KCNA4: variants seen among roughly 807,000 people sequenced by gnomAD.
KCNA4 encodes the protein cardiac potassium channel.
A neutral mutation model predicts 37.2 loss-of-function variants in KCNA4; 5 were observed. The observed-to-expected ratio is 0.13, with a 90% CI of 0.07 to 0.28. KCNA4 has a LOEUF of 0.28. KCNA4 is among the 10% of genes least tolerant of loss of function. KCNA4 has a pLI of 1.00. For missense variants in KCNA4, 634 were observed against 817.4 expected (o/e 0.78, Z 2.74); for synonymous variants, 350 against 311.8 (o/e 1.12, Z -1.29).
rs768170493 is a variant in KCNA4 at position 30,011,572 on chromosome 11, G to A, written c.1107C>T (p.Asp369=). Residue 369 remains aspartate (D), a synonymous_variant, in exon 2 of 2, where the codon GAC becomes GAT. Transcript: ENST00000328224. The surrounding 1 kb of genome is among the most constrained non-coding windows in gnomAD (Gnocchi z 5.6). The part of the protein sequence containing the change: ...LENSGHTIFN[D]PFFIVETVCI... ...AGACTGTTTCCACGATGAAGAAGGG[G>A]TCATTGAATATTGTGTGCCCTGAGT... The A allele has an allele frequency of 6.2e-7, 1 of 1,614,102 alleles. No individual in the cohort carries two copies. The highest frequency in any genetic ancestry group is 8.5e-7 in the Non-Finnish European group (1 of 1,180,016).
chr11:30,010,990 A>G lies in KCNA4; in HGVS notation c.1689T>C (p.Phe563=). The change falls in exon 2 of 2, where the codon TTT becomes TTC. Residue 563 remains phenylalanine (F), a synonymous_variant. Transcript: ENST00000328224. ...ALPVPVIVSN[F]NYFYHRETEN... ...CAGTCTCTCTGTGGTAGAAATAGTTAAAGTTAGAGACAATCACTGGCACTG... is the reference window on the plus strand; with the variant it reads ...CAGTCTCTCTGTGGTAGAAATAGTTGAAGTTAGAGACAATCACTGGCACTG... 2 of 1,614,166 alleles carry G rather than the reference A, an allele frequency of 1.2e-6. No individual in the cohort carries two copies. Among genetic ancestry groups the G allele is most frequent in the Non-Finnish European group, 1.7e-6 (2 of 1,180,028 alleles).
At chr11:30,016,100 G>T (rs1190492536) in intron 1 of KCNA4, among the ~76,000 whole-genome samples, 1 of 152,022 alleles carries the variant, frequency 6.6e-6, no homozygotes, top group African/African-American at 2.4e-5. Context: ...CATTTATGCA[G>T]CCCCTATGTA....
chr11:30,012,064 AG>A lies in KCNA4; in HGVS notation c.614del (p.Pro205LeufsTer37). The A allele has an allele frequency of 6.2e-7, 1 of 1,614,150 alleles. No homozygotes were observed. The highest frequency in any genetic ancestry group is 8.5e-7 in the Non-Finnish European group (1 of 1,180,016). On this transcript the variant is annotated frameshift_variant, in exon 2 of 2. Transcript: ENST00000328224. LOFTEE classifies it high-confidence loss of function. ...AQFPETLLGD[P>X]EKRTQYFDPL... ...GGTCAAAGTACTGAGTCCTCTTTTC[AG>A]GGTCTCCCAACAAAGTCTCTGGAAA...
rs1315220484 is a variant in KCNA4 at position 30,012,532 on chromosome 11, A to C, written c.147T>G (p.Ala49=). 6.2e-7 allele frequency: 1 copy of C among 1,608,564 alleles called. No homozygotes were observed. The change falls in exon 2 of 2, where the codon GCT becomes GCG. Residue 49 remains alanine (A), a synonymous_variant. Coordinates refer to ENST00000328224, the MANE Select transcript of KCNA4 (RefSeq NM_002233.4). ...CAGAACCCCCGCTACCTTCGACAGC[A>C]GCTGTGGCCGCTGCAACAGCAGCTG... ...AAAAAVAAAT[A]AVEGSGGSGG... is the part of the protein sequence containing the mutation.
rs1022989202 is a variant in KCNA4, at chr11:30,012,754, C to G, written c.-76G>C. The G allele has an allele frequency of 2.0e-5, 30 of 1,503,846 alleles. No individual in the cohort carries two copies. Among genetic ancestry groups the G allele is most frequent in the Non-Finnish European group, 2.7e-5 (30 of 1,126,100 alleles). 93.2% of individuals were successfully genotyped at this position (1,503,846 alleles called of 1,614,324 possible). A position where few individuals can be genotyped will look rare whatever the true frequency, so the allele number is the denominator to read the frequency against. On this transcript the variant is annotated 5_prime_UTR_variant, in exon 2 of 2. Coordinates refer to ENST00000328224, the MANE Select transcript of KCNA4 (RefSeq NM_002233.4). ...AAAAATAGGGCAGCTTCTTTTCTCA[C>G]CAAATTAAGGTAAGTTTGGAACCCT...
chr11:30,016,948 A>G lies in KCNA4; in HGVS notation c.-1159T>C. 2 of 398,810 alleles carry G rather than the reference A, an allele frequency of 5.0e-6. No individual in the cohort carries two copies. The allele number at this position is 398,810 out of a possible 1,614,324, so 24.7% of individuals were successfully genotyped here. ...AGCAGCGATCACTTGTTAAGCCCGA[A>G]TTCCTCCTCCAACATCCATCCCTCT... On this transcript the variant is annotated 5_prime_UTR_variant, in exon 1 of 2. Coordinates refer to ENST00000328224, the MANE Select transcript of KCNA4 (RefSeq NM_002233.4).
chr11:30,012,785 A>G lies in KCNA4; in HGVS notation c.-107T>C. 1 of 1,459,408 alleles carries G rather than the reference A, an allele frequency of 6.9e-7. No individual in the cohort carries two copies. The highest frequency in any genetic ancestry group is 9.1e-7 in the Non-Finnish European group (1 of 1,096,680). 90.4% of individuals were successfully genotyped at this position (1,459,408 alleles called of 1,614,324 possible). ...TAAGGTAAGTTTGGAACCCTTAAGC[A>G]GATTGCTTGGAAGACTAAGGATATT... On this transcript the variant is annotated 5_prime_UTR_variant, in exon 2 of 2. Coordinates refer to ENST00000328224, the MANE Select transcript of KCNA4 (RefSeq NM_002233.4).
Position 30,011,254 on chromosome 11 carries a change from C to A in KCNA4, c.1425G>T (p.Met475Ile), listed in dbSNP as rs767940273. 1 of 1,614,128 alleles carries A rather than the reference C, an allele frequency of 6.2e-7. No individual in the cohort carries two copies. Among genetic ancestry groups the A allele is most frequent in the Non-Finnish European group, 8.5e-7 (1 of 1,180,002 alleles). ...QILGHTLRAS[M>I]RELGLLIFFL... is the part of the protein sequence containing the mutation. ...AGAAGATCAGAAGGCCCAGTTCCCGCATGCTGGCTCTGAGGGTGTGGCCCA... is the reference window on the plus strand; with the variant it reads ...AGAAGATCAGAAGGCCCAGTTCCCGAATGCTGGCTCTGAGGGTGTGGCCCA... The change falls in exon 2 of 2, where the codon ATG becomes ATT. Residue 475 changes from methionine (M) to isoleucine (I), a missense_variant. This residue lies in a region of KCNA4 where 19 missense variants were observed against 56.6 expected (regional missense o/e 0.34). Transcript: ENST00000328224. This position sits in a 1 kb window ranked among gnomAD's most constrained non-coding sequence, Gnocchi z 5.6.
rs1017649791 is a variant in KCNA4 at position 30,016,908 on chromosome 11, A to T, written c.-1119T>A. The T allele has an allele frequency of 7.5e-6, 3 of 398,778 alleles. No homozygotes were observed. The highest frequency in any genetic ancestry group is 1.3e-5 in the Non-Finnish European group (3 of 226,296). 24.7% of individuals were successfully genotyped at this position (398,778 alleles called of 1,614,324 possible). A position where few individuals can be genotyped will look rare whatever the true frequency, so the allele number is the denominator to read the frequency against. On this transcript the variant is annotated 5_prime_UTR_variant, in exon 1 of 2. Coordinates refer to ENST00000328224, the MANE Select transcript of KCNA4 (RefSeq NM_002233.4). ...GGAAGTCAAGGTTCCCCCGAAAAGA[A>T]ACAAAATCCTAGACAGCAGCGATCA...
At chr11:30,015,457 G>A (rs547336750) in intron 1 of KCNA4, among the ~76,000 whole-genome samples, 3 of 152,294 alleles carry the variant, frequency 2.0e-5, no homozygotes, top group Admixed American at 6.5e-5. Context: ...ATGAATTAGC[G>A]AGTCTTCTAA....
rs773039050 is a variant in KCNA4 at position 30,011,068 on chromosome 11, G to A, written c.1611C>T (p.Gly537=). The change falls in exon 2 of 2, where the codon GGC becomes GGT. Residue 537 remains glycine (G), a synonymous_variant. Coordinates refer to ENST00000328224, the MANE Select transcript of KCNA4 (RefSeq NM_002233.4). This position sits in a 1 kb window ranked among gnomAD's most constrained non-coding sequence, Gnocchi z 5.6. ...TGGCACACAGGGACCCGACAATCTT[G>A]CCCCCTACAGTGATGGGCTTCATGT... ...YGDMKPITVG[G]KIVGSLCAIA... is the part of the protein sequence containing the mutation. 6.2e-7 allele frequency: 1 copy of A among 1,614,150 alleles called. No individual in the cohort carries two copies. The highest frequency in any genetic ancestry group is 1.1e-5 in the South Asian group (1 of 91,072).
At position 30,010,462 on chromosome 11, in the gene KCNA4, G is replaced by A; in HGVS notation, c.*255C>T. 1 of 521,626 alleles carries A rather than the reference G, an allele frequency of 1.9e-6. No homozygotes were observed. Among genetic ancestry groups the A allele is most frequent in the Non-Finnish European group, 3.2e-6 (1 of 311,788 alleles). 32.3% of individuals were successfully genotyped at this position (521,626 alleles called of 1,614,324 possible). ...ATCTTTACTGTTAACATCTTTTCCA[G>A]TTAATGTGCAAAATTCTTGCATTCT... On this transcript the variant is annotated 3_prime_UTR_variant, in exon 2 of 2. Transcript: ENST00000328224.
Position 30,012,088 on chromosome 11 carries a change from A to G in KCNA4, c.591T>C (p.Phe197=), listed in dbSNP as rs759489578. ...CAGGGTCTCCCAACAAAGTCTCTGG[A>G]AACTGGGCCAGAGTTTTCATTTGGG... is the stretch of plus-strand genomic sequence containing the variant. ...FETQMKTLAQ[F]PETLLGDPEK... The change falls in exon 2 of 2, where the codon TTT becomes TTC. Residue 197 remains phenylalanine (F), a synonymous_variant. Coordinates refer to ENST00000328224, the MANE Select transcript of KCNA4 (RefSeq NM_002233.4). 7 of 1,614,020 alleles carry G rather than the reference A, an allele frequency of 4.3e-6. No homozygotes were observed. In the Admixed American group the frequency reaches 1.2e-4, roughly 27 times the overall value.
At chr11:30,014,637 A>C (rs1343698274) in intron 1 of KCNA4, among the ~76,000 whole-genome samples, 2 of 151,346 alleles carry the variant, frequency 1.3e-5, no homozygotes, top group Non-Finnish European at 2.9e-5. Context: ...TGTCCCTTGC[A>C]GCTCCGATCT....
Position 30,010,940 on chromosome 11 carries a change from G to A in KCNA4, c.1739C>T (p.Thr580Met), listed in dbSNP as rs376821611. ...GTATGGACAACTGACTGCATTCTGCGTTAGCTGTGTCTGTTCCTCATTTTC... is the reference window on the plus strand; with the variant it reads ...GTATGGACAACTGACTGCATTCTGCATTAGCTGTGTCTGTTCCTCATTTTC... ...ETENEEQTQL[T>M]QNAVSCPYLP... is the part of the protein sequence containing the mutation. Residue 580 changes from threonine (T) to methionine (M), a missense_variant, in exon 2 of 2, where the codon ACG becomes ATG. Coordinates refer to ENST00000328224, the MANE Select transcript of KCNA4 (RefSeq NM_002233.4). 1.5e-5 allele frequency: 25 copies of A among 1,614,046 alleles called. No individual in the cohort carries two copies. Among genetic ancestry groups the A allele is most frequent in the Middle Eastern group, 1.6e-4 (1 of 6,084 alleles).
chr11:30,014,437 A>G (rs1386550348), intron 1 of KCNA4, among the ~76,000 whole-genome samples: 1 of 152,090 alleles, frequency 6.6e-6, no homozygotes, highest in Non-Finnish European at 1.5e-5. Context: ...GTTCACCTCA[A>G]TGGTTCCTCC....
rs1337456536 is a variant in KCNA4, at chr11:30,016,846, C to G, written c.-1057G>C. ...AGAGAAGACCCCAAGACTCCTGGTT[C>G]CTCTGGAGTTCAGCACAGGAGGGAT... is the stretch of plus-strand genomic sequence containing the variant. On this transcript the variant is annotated 5_prime_UTR_variant, in exon 1 of 2. Coordinates refer to ENST00000328224, the MANE Select transcript of KCNA4 (RefSeq NM_002233.4). 2.5e-6 allele frequency: 1 copy of G among 397,476 alleles called. No homozygotes were observed. Among genetic ancestry groups the G allele is most frequent in the African/African-American group, 2.1e-5 (1 of 48,566 alleles). 24.6% of individuals were successfully genotyped at this position (397,476 alleles called of 1,614,324 possible). A position where few individuals can be genotyped will look rare whatever the true frequency, so the allele number is the denominator to read the frequency against.
rs547804612 is a variant in KCNA4, at chr11:30,009,762, A to T, written c.*955T>A. 6.6e-6 allele frequency: 1 copy of T among 152,338 alleles called. No homozygotes were observed. The highest frequency in any genetic ancestry group is 2.1e-4 in the South Asian group (1 of 4,834). 9.4% of individuals were successfully genotyped at this position (152,338 alleles called of 1,614,324 possible). A position where few individuals can be genotyped will look rare whatever the true frequency, so the allele number is the denominator to read the frequency against. On this transcript the variant is annotated 3_prime_UTR_variant, in exon 2 of 2. Transcript: ENST00000328224. Reference sequence around the variant, plus strand: ...AGATTCAGTTGCTAAATTTTACTTCATAATTCCTTTGTCAATCAGTTATTT... The same window carrying T: ...AGATTCAGTTGCTAAATTTTACTTCTTAATTCCTTTGTCAATCAGTTATTT...
rs1223899863 is a variant in KCNA4, at chr11:30,010,063, TAA to T, written c.*652_*653del. 6.6e-6 allele frequency: 1 copy of T among 152,194 alleles called. No individual in the cohort carries two copies. The allele number at this position is 152,194 out of a possible 1,614,324, so 9.4% of individuals were successfully genotyped here. A position where few individuals can be genotyped will look rare whatever the true frequency, so the allele number is the denominator to read the frequency against. On this transcript the variant is annotated 3_prime_UTR_variant, in exon 2 of 2. Coordinates refer to ENST00000328224, the MANE Select transcript of KCNA4 (RefSeq NM_002233.4). ...TTCTATAATGTTAGACATTTGCTGT[TAA>T]GTCTTCCCAAAATTAATAACAAAAT...
Sources: allele counts gnomAD v4.1 joint callset (sites outside exome capture counted in the v4.1 genomes callset), GRCh38; gene constraint gnomAD v4.1.1; regional missense constraint gnomAD v4.1.1; non-coding constraint Gnocchi (gnomAD v3.1); transcripts MANE v1.5; gene names NCBI Gene and HGNC (gene_info 2026-07-23, HGNC 2026-07-21).